The following LTBP1 variants were observed in gnomAD, a reference collection of about 807,000 sequenced individuals.
LTBP1 encodes latent transforming growth factor beta binding protein 1.
In LTBP1, 129 loss-of-function variants were observed where a neutral mutation model predicts 207.6. That is an observed-to-expected ratio of 0.62 (90% CI 0.54 to 0.72). LTBP1 has a LOEUF of 0.72. LTBP1 is among the 30% of genes least tolerant of loss of function. The pLI, the probability that LTBP1 is intolerant of heterozygous loss-of-function variation, is 0.00. For missense variants in LTBP1, 2,281 were observed against 2,217.2 expected, an observed-to-expected ratio of 1.03 and a Z score of -0.58; for synonymous variants, 963 against 833.7, an observed-to-expected ratio of 1.16 and a Z score of -2.67.
At chr2:32,969,079 C>T (rs112687800) in intron 2 of LTBP1, among the ~76,000 whole-genome samples, 6,764 of 151,996 alleles carry the variant, frequency 0.045, 223 homozygotes, top group Non-Finnish European at 0.072. Flanking sequence ...GTGCCCGCCA[C>T]CATGCCTGGC....
intron 32 of LTBP1, among the ~76,000 whole-genome samples, chr2:33,395,179 A>T (rs556854952): frequency 6.6e-6 from 1 of 152,206 alleles, no homozygotes; most frequent in Non-Finnish European, 1.5e-5. Flanking sequence ...GCCATTCTAC[A>T]TAGCATCGTT....
At chr2:33,003,100 G>A (rs7582215) in intron 2 of LTBP1, among the ~76,000 whole-genome samples, 54,891 of 152,116 alleles carry the variant, frequency 0.36, 10,377 homozygotes, top group East Asian at 0.68. Flanking sequence ...GTTGCCTGAC[G>A]TTGAGGTGGG....
intron 2 of LTBP1, among the ~76,000 whole-genome samples, chr2:32,995,209 A>T (rs1685066149): frequency 6.6e-6 from 1 of 151,714 alleles, no homozygotes; most frequent in African/African-American, 2.4e-5. Flanking sequence ...TCTTCAGATG[A>T]CTGTTACTCA....
In LTBP1 at chr2:33,305,143, T is replaced by G. The variant is rs192260930; in HGVS notation, c.3481+3499T>G. ...TCTTAGCCAACATGGTGAAACCTCA[T>G]CTCTACTAAAAATACAAAAAAAAAA... On this transcript the variant is annotated intron_variant, in intron 22 of 33. Coordinates refer to ENST00000404816, the MANE Select transcript of LTBP1 (RefSeq NM_206943.4). 2.7e-3 allele frequency among the ~76,000 whole-genome samples: 406 copies of G among 151,970 alleles called. 1 individual carries two copies. The highest frequency in any genetic ancestry group is 9.3e-3 in the African/African-American group (384 of 41,456).
At chr2:33,311,605 A>G (rs1028684785) in intron 23 of LTBP1, among the ~76,000 whole-genome samples, 9 of 151,330 alleles carry the variant, frequency 5.9e-5, no homozygotes, top group Non-Finnish European at 1.3e-4. Flanking sequence ...TTAAAAGTAT[A>G]TTTTCTTTTC....
chr2:33,385,613 A>G (rs953390619), intron 31 of LTBP1, among the ~76,000 whole-genome samples: 2 of 152,196 alleles, frequency 1.3e-5, no homozygotes, highest in African/African-American at 4.8e-5. Context: ...GGCTTGCCCA[A>G]AACTGCTAAG....
chr2:33,163,147 A>T (rs1364529103), intron 5 of LTBP1, among the ~76,000 whole-genome samples: 1 of 152,064 alleles, frequency 6.6e-6, no homozygotes. Flanking sequence ...ACGCCTGGCT[A>T]ATTGTATTTT....
intron 7 of LTBP1, among the ~76,000 whole-genome samples, chr2:33,203,412 A>G (rs1459525466): frequency 2.0e-5 from 3 of 152,232 alleles, no homozygotes; most frequent in Non-Finnish European, 2.9e-5. Flanking sequence ...GGGCTGGGAC[A>G]TTAGGATAAT....
chr2:33,378,162 A>G (rs2095165284), intron 31 of LTBP1, among the ~76,000 whole-genome samples: 1 of 147,666 alleles, frequency 6.8e-6, no homozygotes, highest in African/African-American at 2.5e-5. Flanking sequence ...TCTAGTGAAC[A>G]TTTTACTTTC....
intron 31 of LTBP1, among the ~76,000 whole-genome samples, chr2:33,379,579 A>G (rs2095189247): frequency 6.6e-6 from 1 of 152,238 alleles, no homozygotes; most frequent in Non-Finnish European, 1.5e-5. Context: ...TGCCAGAGGC[A>G]GAAGTTGCTA....
intron 23 of LTBP1, among the ~76,000 whole-genome samples, chr2:33,310,962 C>A (rs989542687): frequency 6.6e-6 from 1 of 151,860 alleles, no homozygotes; most frequent in African/African-American, 2.4e-5. Context: ...TGTAGTGTAT[C>A]CCAAAGCATA....
chr2:33,264,849 G>A (rs1254359982), intron 15 of LTBP1, among the ~76,000 whole-genome samples: 2 of 152,140 alleles, frequency 1.3e-5, no homozygotes, highest in Non-Finnish European at 2.9e-5. Context: ...TGAGGGATTG[G>A]CTCACACCAT....
At chr2:33,338,020 A>G (rs2094572786) in intron 24 of LTBP1, among the ~76,000 whole-genome samples, 1 of 152,250 alleles carries the variant, frequency 6.6e-6, no homozygotes, top group African/African-American at 2.4e-5. Flanking sequence ...TTCTAATGAA[A>G]TAATGTTTTT....
intron 7 of LTBP1, among the ~76,000 whole-genome samples, chr2:33,213,090 C>T (rs760896838): frequency 6.6e-6 from 1 of 152,060 alleles, no homozygotes; most frequent in South Asian, 2.1e-4. Flanking sequence ...CATTTCTCTG[C>T]TTGCACTGCT....
chr2:33,292,837 T>C (rs553494454), intron 19 of LTBP1, among the ~76,000 whole-genome samples: 1 of 152,334 alleles, frequency 6.6e-6, no homozygotes, highest in South Asian at 2.1e-4. Context: ...CTTTGGAAAA[T>C]GCTTTCTTGT....
At chr2:33,275,444 G>C (rs988997359) in intron 17 of LTBP1, among the ~76,000 whole-genome samples, 3 of 152,094 alleles carry the variant, frequency 2.0e-5, no homozygotes, top group African/African-American at 7.2e-5. Flanking sequence ...CAGCACTTTG[G>C]GAGGCCGAGC....
At chr2:33,263,903 A>C (rs550738459) in intron 15 of LTBP1, among the ~76,000 whole-genome samples, 1 of 150,618 alleles carries the variant, frequency 6.6e-6, no homozygotes, top group African/African-American at 2.5e-5. Flanking sequence ...CAGTGAGCCA[A>C]GATCACGCCA....
chr2:33,366,803 C>A (rs1231909051), intron 31 of LTBP1, among the ~76,000 whole-genome samples: 1 of 152,108 alleles, frequency 6.6e-6, no homozygotes, highest in African/African-American at 2.4e-5. Context: ...GCAGATGCCA[C>A]GGGGAGATAA....
intron 22 of LTBP1, among the ~76,000 whole-genome samples, chr2:33,305,251 G>C (rs1168302691): frequency 6.6e-6 from 1 of 152,154 alleles, no homozygotes; most frequent in Non-Finnish European, 1.5e-5. Flanking sequence ...TCGAACCCAG[G>C]AGGCAGAGGT....
Sources: gnomAD v4.1 joint callset for allele counts (sites outside exome capture counted in the v4.1 genomes callset) on GRCh38, gnomAD v4.1.1 for gene constraint, MANE v1.5 for transcripts, NCBI Gene and HGNC (gene_info 2026-07-23, HGNC 2026-07-21) for gene names.